The following PPM1E variants were observed in gnomAD, a reference collection of about 807,000 sequenced individuals.
PPM1E encodes protein phosphatase, Mg2+/Mn2+ dependent 1E, also known as protein phosphatase 1E.
PPM1E carries 20 observed loss-of-function variants against 65.9 expected under a neutral mutation model. The observed-to-expected ratio is 0.30, with a 90% CI of 0.21 to 0.44. The LOEUF (loss-of-function observed/expected upper bound fraction) is 0.44. Among genes scored for constraint, PPM1E ranks in the 20% least tolerant of loss-of-function variants. The probability of loss-of-function intolerance (pLI) is 1.00; values close to 1 mark genes in which losing one functional copy is unlikely to be tolerated. For missense variants in PPM1E, 713 were observed against 953.1 expected (o/e 0.75, Z 3.32); for synonymous variants, 352 against 374.9 (o/e 0.94, Z 0.70).
At chr17:58,836,064 C>G (rs1341484428) in intron 1 of PPM1E, 4 of 152,054 alleles carry the variant, frequency 2.6e-5, no homozygotes, top group Admixed American at 2.6e-4. Flanking sequence ...AATTGGTAAA[C>G]AGTAGAGCTA....
At chr17:58,758,894 A>C (rs2144128720) in intron 1 of PPM1E, among the ~76,000 whole-genome samples, 1 of 151,762 alleles carries the variant, frequency 6.6e-6, no homozygotes, top group Middle Eastern at 3.4e-3. Flanking sequence ...ACATGGCAAA[A>C]CCCCGTCTCT....
intron 1 of PPM1E, among the ~76,000 whole-genome samples, chr17:58,852,568 T>C (rs1444051002): frequency 2.0e-5 from 3 of 152,018 alleles, no homozygotes; most frequent in Admixed American, 6.6e-5. Context: ...TTTTTAAATG[T>C]GCTTTATGAC....
intron 1 of PPM1E, among the ~76,000 whole-genome samples, chr17:58,933,050 A>T (rs1439831705): frequency 6.6e-6 from 1 of 152,222 alleles, no homozygotes; most frequent in Non-Finnish European, 1.5e-5. Context: ...GTCTCTAGGA[A>T]CAATAGGCTG....
intron 1 of PPM1E, among the ~76,000 whole-genome samples, chr17:58,925,548 C>A (rs1212911802): frequency 6.6e-6 from 1 of 152,046 alleles, no homozygotes; most frequent in Admixed American, 6.6e-5. Context: ...TCATGCCATT[C>A]TCCTGCCTCA....
intron 1 of PPM1E, among the ~76,000 whole-genome samples, chr17:58,870,114 TGGAGGA>T (rs951162856): frequency 6.6e-6 from 1 of 151,860 alleles, no homozygotes; most frequent in Non-Finnish European, 1.5e-5. Flanking sequence ...GTACAGCATC[TGGAGGA>T]GGAGGAGGAG....
At chr17:58,947,536 CT>C (rs78877158) in intron 1 of PPM1E, among the ~76,000 whole-genome samples, 1,430 of 130,332 alleles carry the variant, frequency 0.011, 39 homozygotes, top group East Asian at 0.089. Flanking sequence ...TGCACCTGGC[CT>C]TTTTTTTTTT....
intron 1 of PPM1E, among the ~76,000 whole-genome samples, chr17:58,824,502 G>A (rs540160121): frequency 3.0e-4 from 46 of 151,948 alleles, no homozygotes; most frequent in Non-Finnish European, 6.2e-4. Context: ...ACTTTGAAAA[G>A]AGGATTCAGG....
intron 1 of PPM1E, among the ~76,000 whole-genome samples, chr17:58,853,312 T>C (rs1233864871): frequency 2.0e-5 from 3 of 152,180 alleles, no homozygotes; most frequent in African/African-American, 7.2e-5. Context: ...TCCAATTTCA[T>C]TCTTTTGCTT....
chr17:58,932,027 G>A (rs937270342), intron 1 of PPM1E, among the ~76,000 whole-genome samples: 3 of 152,144 alleles, frequency 2.0e-5, no homozygotes, highest in African/African-American at 7.2e-5. Context: ...TGTAATTTCA[G>A]CATTTTGGGA....
At chr17:58,766,972 C>G (rs535324016) in intron 1 of PPM1E, among the ~76,000 whole-genome samples, 1 of 152,130 alleles carries the variant, frequency 6.6e-6, no homozygotes, top group East Asian at 1.9e-4. Context: ...TAACTATAAT[C>G]TAGAAACAAT....
chr17:58,815,668 T>C (rs1159892628), intron 1 of PPM1E, among the ~76,000 whole-genome samples: 2 of 152,212 alleles, frequency 1.3e-5, no homozygotes, highest in Non-Finnish European at 2.9e-5. Context: ...ATGTCGATTA[T>C]GTACTAGAGC....
intron 1 of PPM1E, among the ~76,000 whole-genome samples, chr17:58,937,751 G>T (rs1016059067): frequency 5.4e-5 from 8 of 149,426 alleles, no homozygotes; most frequent in African/African-American, 7.3e-5. Flanking sequence ...ATGGTGGCAG[G>T]CACCTCTAAT....
chr17:58,770,742 C>A lies in PPM1E; in HGVS notation c.464+14281C>A, dbSNP rs191112034. Among the ~76,000 whole-genome samples the A allele has an allele frequency of 2.3e-4, 35 of 152,090 alleles. 1 individual carries two copies. The East Asian group carries it at 6.2e-3, about 27-fold the overall frequency. On this transcript the variant is annotated intron_variant, in intron 1 of 6. Transcript: ENST00000308249. The stretch of plus-strand genomic sequence containing the variant: ...TCTTATATAGGTTGAAATTATCAAA[C>A]CATGAAACTGAATTTTTTCTCCCTT...
In PPM1E at chr17:58,901,977, AAAAT is replaced by A. The variant is rs200810319; in HGVS notation, c.465-53656_465-53653del. ...GGCAACAAGAGTGAAACTCCTCTCA[AAAAT>A]AAATAAATAAATAAAATATTAAAAA... On this transcript the variant is annotated intron_variant, in intron 1 of 6. Transcript: ENST00000308249. 9.1e-3 allele frequency among the ~76,000 whole-genome samples: 1,383 copies of A among 152,190 alleles called. 19 individuals carry two copies. Among genetic ancestry groups the A allele is most frequent in the African/African-American group, 0.031 (1,297 of 41,540 alleles).
chr17:58,956,362 G>A (rs1184961462), intron 2 of PPM1E, among the ~76,000 whole-genome samples: 1 of 151,966 alleles, frequency 6.6e-6, no homozygotes, highest in Non-Finnish European at 1.5e-5. Context: ...GTTGAACCCA[G>A]GAGGTGGAGG....
intron 1 of PPM1E, among the ~76,000 whole-genome samples, chr17:58,826,391 C>T (rs906701972): frequency 6.6e-6 from 1 of 151,582 alleles, no homozygotes; most frequent in Admixed American, 6.6e-5. Context: ...CCAGCTGTTG[C>T]ATTTATAAAT....
In PPM1E at chr17:58,792,743, C is replaced by CTTTTTTTTTT. The variant is rs780992600; in HGVS notation, c.464+36302_464+36311dup. 9.7e-4 allele frequency among the ~76,000 whole-genome samples: 74 copies of CTTTTTTTTTT among 76,376 alleles called. 14 individuals are homozygous for CTTTTTTTTTT. Among genetic ancestry groups the CTTTTTTTTTT allele is most frequent in the African/African-American group, 3.0e-3 (47 of 15,646 alleles). The allele number at this position is 76,376 out of a possible 152,430, so 50.1% of individuals were successfully genotyped here. ...TATTTTATTTTATAAGAATTTTACTCTTTTTTTTTTTTTTTTTTTTTTTTT... is the reference window on the plus strand; with the variant it reads ...TATTTTATTTTATAAGAATTTTACTCTTTTTTTTTTTTTTTTTTTTTTTTTTTTTTTTTTT... On this transcript the variant is annotated intron_variant, in intron 1 of 6. Transcript: ENST00000308249.
intron 1 of PPM1E, among the ~76,000 whole-genome samples, chr17:58,940,235 G>A (rs1267560367): frequency 6.6e-6 from 1 of 152,190 alleles, no homozygotes; most frequent in East Asian, 1.9e-4. Context: ...AAGCATTAGT[G>A]ATAAGCTTTT....
At chr17:58,836,684 C>T (rs954370041) in intron 1 of PPM1E, among the ~76,000 whole-genome samples, 1 of 150,292 alleles carries the variant, frequency 6.7e-6, no homozygotes, top group Admixed American at 6.6e-5. Context: ...AGGCTGGTCT[C>T]GAGCTCCTGA....
Sources: gnomAD v4.1 joint callset for allele counts (sites outside exome capture counted in the v4.1 genomes callset) on GRCh38, gnomAD v4.1.1 for gene constraint, MANE v1.5 for transcripts, NCBI Gene and HGNC (gene_info 2026-07-23, HGNC 2026-07-21) for gene names.